Variants in MED12L observed in about 807,000 individuals in gnomAD.
MED12L encodes mediator of RNA polymerase II transcription subunit 12-like protein.
In MED12L, 60 loss-of-function variants were observed where a neutral mutation model predicts 281.3. The observed-to-expected ratio is 0.21, with a 90% CI of 0.17 to 0.26. The LOEUF is 0.26. Ranked by LOEUF, MED12L falls within the 10% of genes least tolerant of loss-of-function variation. The pLI is 1.00. For synonymous variants in MED12L, 974 were observed against 987.2 expected, an observed-to-expected ratio of 0.99 and a Z score of 0.25; for missense variants, 2,146 against 2,680.9, an observed-to-expected ratio of 0.80 and a Z score of 4.41.
At chr3:151,125,908 TGTTTA>T (rs1714440429) in intron 4 of MED12L, among the ~76,000 whole-genome samples, 1 of 152,162 alleles carries the variant, frequency 6.6e-6, no homozygotes, top group Non-Finnish European at 1.5e-5. Flanking sequence ...TTTTATCTCC[TGTTTA>T]GTTGTGTTGT....
intron 6 of MED12L, among the ~76,000 whole-genome samples, chr3:151,157,815 A>G (rs1013950748): frequency 2.0e-5 from 3 of 152,258 alleles, no homozygotes; most frequent in Non-Finnish European, 2.9e-5. Context: ...GCTAGGAACA[A>G]AGTAAGATTT....
intron 14 of MED12L, among the ~76,000 whole-genome samples, chr3:151,191,910 A>G (rs1576927869): frequency 6.6e-6 from 1 of 152,030 alleles, no homozygotes; most frequent in Non-Finnish European, 1.5e-5. Flanking sequence ...GTCTCAAAAA[A>G]ACAAACAAAA....
chr3:151,176,035 T>TAA lies in MED12L; in HGVS notation c.1495-9294_1495-9293dup, dbSNP rs764344290. ...TTTCTTCTTGTGATTGTTATATATA[T>TAA]AATACAGGAGTACATTCTTGATATT... is the stretch of plus-strand genomic sequence containing the variant. On this transcript the variant is annotated intron_variant, in intron 11 of 44. Coordinates refer to ENST00000687756, the MANE Select transcript of MED12L (RefSeq NM_001393769.1). Among the ~76,000 whole-genome samples, 11 of 152,304 alleles carry TAA rather than the reference T, an allele frequency of 7.2e-5. No individual in the cohort carries two copies. In the South Asian group the frequency reaches 2.3e-3, roughly 32 times the overall value.
chr3:151,362,924 A>G (rs1031145466), intron 21 of MED12L, among the ~76,000 whole-genome samples: 11 of 152,078 alleles, frequency 7.2e-5, no homozygotes, highest in Middle Eastern at 3.2e-3. Context: ...AGAGCTTTCC[A>G]TTTCAGCTTA....
chr3:151,309,488 A>T (rs1194913955), intron 16 of MED12L, among the ~76,000 whole-genome samples: 1 of 152,150 alleles, frequency 6.6e-6, no homozygotes, highest in Non-Finnish European at 1.5e-5. Context: ...CCTGACCTGT[A>T]TACCTGCCCA....
chr3:151,412,114 A>T (rs1717007493), intron 41 of MED12L, among the ~76,000 whole-genome samples: 1 of 152,230 alleles, frequency 6.6e-6, no homozygotes, highest in African/African-American at 2.4e-5. Flanking sequence ...ATTTAAAATT[A>T]AATTAATAAT....
At chr3:151,148,707 T>C (rs1341285202) in intron 5 of MED12L, among the ~76,000 whole-genome samples, 1 of 152,198 alleles carries the variant, frequency 6.6e-6, no homozygotes, top group African/African-American at 2.4e-5. Flanking sequence ...AAAAAAACAA[T>C]CTCTGTTGCA....
At chr3:151,287,726 A>C (rs933114283) in intron 16 of MED12L, among the ~76,000 whole-genome samples, 1 of 152,200 alleles carries the variant, frequency 6.6e-6, no homozygotes, top group African/African-American at 2.4e-5. Flanking sequence ...AAAGTAAAGC[A>C]TGTAGGACAG....
intron 5 of MED12L, among the ~76,000 whole-genome samples, chr3:151,138,663 A>G (rs1375307940): frequency 6.6e-6 from 1 of 152,086 alleles, no homozygotes; most frequent in Non-Finnish European, 1.5e-5. Context: ...TTCTGTTGGA[A>G]TTTGTCTGAT....
At chr3:151,219,642 C>T (rs1728929681) in intron 16 of MED12L, 1 of 152,046 alleles carries the variant, frequency 6.6e-6, no homozygotes, top group African/African-American at 2.4e-5. Flanking sequence ...CATTAAAGAT[C>T]CTGCATTACA....
At chr3:151,093,901 T>G (rs1720388482) in intron 2 of MED12L, among the ~76,000 whole-genome samples, 1 of 152,212 alleles carries the variant, frequency 6.6e-6, no homozygotes, top group East Asian at 1.9e-4. Context: ...TCCTTTAGCC[T>G]GTCAGATATT....
intron 2 of MED12L, among the ~76,000 whole-genome samples, chr3:151,092,856 G>A (rs139618777): frequency 3.7e-4 from 57 of 152,296 alleles, no homozygotes; most frequent in African/African-American, 1.2e-3. Context: ...TGATGTTTGT[G>A]CTTAACTCAT....
intron 16 of MED12L, among the ~76,000 whole-genome samples, chr3:151,274,142 C>T (rs1475216865): frequency 6.6e-6 from 1 of 152,172 alleles, no homozygotes; most frequent in Non-Finnish European, 1.5e-5. Context: ...AAAAAGGCCT[C>T]GCTGCCACAA....
At chr3:151,398,680 T>G (rs1715283828) in intron 39 of MED12L, among the ~76,000 whole-genome samples, 1 of 152,202 alleles carries the variant, frequency 6.6e-6, no homozygotes. Context: ...GAAACCTGTT[T>G]TCATTCTTCT....
At position 151,388,110 on chromosome 3, in the gene MED12L, A is replaced by G. The variant is rs754426154; in HGVS notation, c.5389A>G (p.Thr1797Ala). 2.5e-6 allele frequency: 4 copies of G among 1,612,780 alleles called. No individual in the cohort carries two copies. The highest frequency in any genetic ancestry group is 1.3e-5 in the African/African-American group (1 of 74,892). Residue 1797 changes from threonine (T) to alanine (A), a missense_variant, in exon 37 of 45, where the codon ACA becomes GCA. This residue lies in a region of MED12L where 496 missense variants were observed against 512.0 expected (regional missense o/e 0.97). Coordinates refer to ENST00000687756, the MANE Select transcript of MED12L (RefSeq NM_001393769.1). ...GCTGTCAGATCAGGGAAAAACCACA[A>G]CAGATGAAGAAAAGAAAACAAAAGG... ...AELSDQGKTT[T>A]DEEKKTKGRK...
intron 25 of MED12L, among the ~76,000 whole-genome samples, chr3:151,368,595 ATT>A (rs1392019802): frequency 3.9e-5 from 2 of 51,390 alleles, no homozygotes; most frequent in South Asian, 6.8e-4. Context: ...GATTTATTTT[ATT>A]TTATTTTATT....
chr3:151,192,417 A>G (rs189274396), intron 14 of MED12L, 133 bp from the exon 15 acceptor site: 51 of 670,368 alleles, frequency 7.6e-5, no homozygotes, highest in Admixed American at 2.5e-4. Context: ...GCTTCCTTCA[A>G]TTTGCGGGGA....
intron 16 of MED12L, among the ~76,000 whole-genome samples, chr3:151,339,115 A>G (rs1182109828): frequency 6.6e-6 from 1 of 152,076 alleles, no homozygotes; most frequent in Non-Finnish European, 1.5e-5. Context: ...TTATTTGTTG[A>G]ATGTTTGCCT....
chr3:151,221,126 C>A (rs1295730751), intron 16 of MED12L, among the ~76,000 whole-genome samples: 1 of 152,104 alleles, frequency 6.6e-6, no homozygotes, highest in African/African-American at 2.4e-5. Flanking sequence ...TTTGCCCCTA[C>A]CCTAGAGATT....
Sources: gnomAD v4.1 joint callset for allele counts (sites outside exome capture counted in the v4.1 genomes callset) on GRCh38, gnomAD v4.1.1 for gene constraint, gnomAD v4.1.1 regional missense constraint, MANE v1.5 for transcripts, NCBI Gene and HGNC (gene_info 2026-07-23, HGNC 2026-07-21) for gene names.